Variants in GALNT3 observed in about 807,000 individuals in gnomAD.
GALNT3 encodes GalNAc transferase 3.
In GALNT3, 51 loss-of-function variants were observed where a neutral mutation model predicts 69.8. The ratio of observed to expected loss-of-function variants is 0.73; its 90% CI spans 0.58 to 0.92. The LOEUF (loss-of-function observed/expected upper bound fraction) is 0.92, where lower values mean the gene tolerates loss of function less well. Ranked by LOEUF, GALNT3 falls within the 40% of genes least tolerant of loss-of-function variation. The pLI, the probability that GALNT3 is intolerant of heterozygous loss-of-function variation, is 0.00. For missense variants in GALNT3, 711 were observed against 760.0 expected (o/e 0.94, Z 0.76); for synonymous variants, 265 against 248.5 (o/e 1.07, Z -0.63).
At chr2:165,789,501 A>G (rs1370527932) in intron 1 of GALNT3, among the ~76,000 whole-genome samples, 1 of 152,154 alleles carries the variant, frequency 6.6e-6, no homozygotes, top group African/African-American at 2.4e-5. Context: ...AAGAGTTTAA[A>G]ATTACCTCTG....
intron 1 of GALNT3, among the ~76,000 whole-genome samples, chr2:165,774,903 TTC>T (rs1176806260): frequency 4.8e-5 from 7 of 147,130 alleles, no homozygotes; most frequent in East Asian, 2.0e-4. Context: ...ATTCTTCTTC[TTC>T]TCTCTTTTTT....
At chr2:165,774,280 A>T (rs1196483164) in intron 1 of GALNT3, among the ~76,000 whole-genome samples, 1 of 152,158 alleles carries the variant, frequency 6.6e-6, no homozygotes, top group African/African-American at 2.4e-5. Context: ...CTGCAGCTAG[A>T]AGTAGGCTAA....
At chr2:165,750,023 A>G in intron 9 of GALNT3, 129 bp from the exon 10 acceptor site, 1 of 869,942 alleles carries the variant, frequency 1.1e-6, no homozygotes, top group Non-Finnish European at 1.9e-6. Flanking sequence ...CAATAAAAAT[A>G]GTTATTAGAA....
intron 1 of GALNT3, among the ~76,000 whole-genome samples, chr2:165,786,313 G>A (rs2105230609): frequency 6.6e-6 from 1 of 152,314 alleles, no homozygotes; most frequent in East Asian, 1.9e-4. Flanking sequence ...GAGGGGCAGA[G>A]TTGACTGGAT....
rs1217836655 is a variant in GALNT3, at chr2:165,761,962, G to C, written c.781C>G (p.Arg261Gly). 1.9e-6 allele frequency: 3 copies of C among 1,613,856 alleles called. No individual in the cohort carries two copies. Among genetic ancestry groups the C allele is most frequent in the Admixed American group, 3.3e-5 (2 of 59,996 alleles). The part of the protein sequence containing the change: ...QRERKGLITA[R>G]LLGATVATAE... The stretch of plus-strand genomic sequence containing the variant: ...GTTGCGACTGTTGCTCCTAGCAACC[G>C]AGCAGTGATCAGACCTTTTCTTTCT... Residue 261 changes from arginine (R) to glycine (G), a missense_variant, in exon 4 of 11, where the codon CGG becomes GGG. Physicochemically the swap from Arg to Gly is moderately radical, Grantham distance 125. Coordinates refer to ENST00000392701, the MANE Select transcript of GALNT3 (RefSeq NM_004482.4).
intron 9 of GALNT3, among the ~76,000 whole-genome samples, chr2:165,751,747 A>C (rs1688361411): frequency 6.6e-6 from 1 of 152,102 alleles, no homozygotes; most frequent in Admixed American, 6.6e-5. Flanking sequence ...CATAACCAAA[A>C]TATTTATTTT....
intron 1 of GALNT3, among the ~76,000 whole-genome samples, chr2:165,780,268 T>C (rs1448549981): frequency 6.6e-6 from 1 of 152,200 alleles, no homozygotes; most frequent in African/African-American, 2.4e-5. Context: ...GCAATGGATG[T>C]GCTTTTGTGG....
At chr2:165,787,579 T>C (rs1471187290) in intron 1 of GALNT3, among the ~76,000 whole-genome samples, 1 of 152,054 alleles carries the variant, frequency 6.6e-6, no homozygotes, top group Admixed American at 6.5e-5. Flanking sequence ...GAGATGATGA[T>C]AGAGATAGGA....
intron 2 of GALNT3, among the ~76,000 whole-genome samples, chr2:165,768,148 G>A (rs969838844): frequency 3.3e-5 from 5 of 152,030 alleles, no homozygotes; most frequent in Non-Finnish European, 5.9e-5. Flanking sequence ...GGCAGATCAC[G>A]AAGTCAAAAA....
At chr2:165,755,386 G>A (rs1294848938) in intron 7 of GALNT3, among the ~76,000 whole-genome samples, 1 of 152,164 alleles carries the variant, frequency 6.6e-6, no homozygotes, top group Admixed American at 6.5e-5. Flanking sequence ...ATGGTGGTAG[G>A]AGCATCCAAA....
Position 165,757,150 on chromosome 2 carries a change from T to C in GALNT3, c.1289A>G (p.Gln430Arg). 1 of 1,614,106 alleles carries C rather than the reference T, an allele frequency of 6.2e-7. No individual in the cohort carries two copies. Among genetic ancestry groups the C allele is most frequent in the East Asian group, 2.2e-5 (1 of 44,876 alleles). ...GCGAACTTGGTTTCTAGCAATCACC[T>C]GAGTGCCTTTTGGAAAGCTATGAGG... ...KSPHSFPKGTQVIARNQVRLA... is the reference protein window; with the variant it reads ...KSPHSFPKGTRVIARNQVRLA... The change falls in exon 7 of 11, where the codon CAG (glutamine) becomes CGG (arginine). Residue 430 changes from glutamine to arginine, a missense_variant. Gln to Arg is a conservative substitution (Grantham distance 43). Coordinates refer to ENST00000392701, the MANE Select transcript of GALNT3 (RefSeq NM_004482.4).
intron 1 of GALNT3, among the ~76,000 whole-genome samples, chr2:165,789,414 C>T (rs1245504158): frequency 1.3e-5 from 2 of 152,192 alleles, no homozygotes; most frequent in East Asian, 1.9e-4. Flanking sequence ...AATACCAATA[C>T]ATTGGATTTG....
At chr2:165,758,170 C>T (rs1373973709) in intron 6 of GALNT3, among the ~76,000 whole-genome samples, 2 of 152,144 alleles carry the variant, frequency 1.3e-5, no homozygotes, top group Non-Finnish European at 2.9e-5. Context: ...AGAGCCAAAA[C>T]TTAAATCTTC....
At chr2:165,781,737 C>G (rs564821049) in intron 1 of GALNT3, among the ~76,000 whole-genome samples, 2 of 152,174 alleles carry the variant, frequency 1.3e-5, no homozygotes, top group Admixed American at 1.3e-4. Context: ...TTGCTACTTT[C>G]TTCTCATCAG....
chr2:165,788,788 G>A (rs1032310706), intron 1 of GALNT3, among the ~76,000 whole-genome samples: 4 of 151,878 alleles, frequency 2.6e-5, no homozygotes, highest in Admixed American at 1.3e-4. Context: ...ATAAAATTTC[G>A]GCTTATGGAG....
At chr2:165,785,701 G>T (rs1213328814) in intron 1 of GALNT3, among the ~76,000 whole-genome samples, 1 of 152,134 alleles carries the variant, frequency 6.6e-6, no homozygotes, top group African/African-American at 2.4e-5. Context: ...AAAAGTCATA[G>T]TATCTAAGGA....
At position 165,757,109 on chromosome 2, in the gene GALNT3, T is replaced by A. The variant is rs1688458653; in HGVS notation, c.1330A>T (p.Met444Leu). The change falls in exon 7 of 11, where the codon ATG becomes TTG. Residue 444 changes from methionine to leucine, a missense_variant. Transcript: ENST00000392701. ...TAAAATATTTCCTTGTATTCATCCA[T>A]CCAGACTTCTGCAAGGCGAACTTGG... Reference protein sequence around the residue: ...RNQVRLAEVWMDEYKEIFYRR... With the variant: ...RNQVRLAEVWLDEYKEIFYRR... 6 of 1,614,108 alleles carry A rather than the reference T, an allele frequency of 3.7e-6. No homozygotes were observed. Among genetic ancestry groups the A allele is most frequent in the Non-Finnish European group, 5.1e-6 (6 of 1,179,970 alleles).
chr2:165,752,697 C>T (rs552952692), intron 9 of GALNT3, among the ~76,000 whole-genome samples: 1 of 152,148 alleles, frequency 6.6e-6, no homozygotes, highest in East Asian at 1.9e-4. Context: ...AAATGTAATG[C>T]TAGAAGAAGC....
In GALNT3 at chr2:165,785,812, T is replaced by C. The variant is rs906950856; in HGVS notation, c.-109+8203A>G. On this transcript the variant is annotated intron_variant, in intron 1 of 10. Transcript: ENST00000392701. Reference sequence around the variant, plus strand: ...TCCGAACAGGGGCAAGAGGACAGATTGCTCCAGTAAGGGACAAATAAATCT... The same window carrying C: ...TCCGAACAGGGGCAAGAGGACAGATCGCTCCAGTAAGGGACAAATAAATCT... Among the ~76,000 whole-genome samples, 3 of 152,126 alleles carry C rather than the reference T, an allele frequency of 2.0e-5. No individual in the cohort carries two copies. The South Asian group carries it at 6.2e-4, about 32-fold the overall frequency.
Sources: allele counts gnomAD v4.1 joint callset (sites outside exome capture counted in the v4.1 genomes callset), GRCh38; gene constraint gnomAD v4.1.1; transcripts MANE v1.5; gene names NCBI Gene and HGNC (gene_info 2026-07-23, HGNC 2026-07-21).